Variants in C1orf159 observed in about 807,000 individuals in gnomAD.
C1orf159 encodes chromosome 1 open reading frame 159.
Under a neutral mutation model 25.6 loss-of-function variants are expected in C1orf159, and 19 were observed. The observed-to-expected ratio is 0.74, with a 90% CI of 0.52 to 1.09. The LOEUF is 1.09. Among genes scored for constraint, C1orf159 ranks in the 50% least tolerant of loss-of-function variants. The pLI is 0.00. For missense variants in C1orf159, 274 were observed against 290.6 expected, an observed-to-expected ratio of 0.94 and a Z score of 0.42; for synonymous variants, 139 against 124.7, an observed-to-expected ratio of 1.12 and a Z score of -0.77.
chr1:1,095,758 A>G (rs6693112), intron 1 of C1orf159, among the ~76,000 whole-genome samples: 2,439 of 152,336 alleles, frequency 0.016, 62 homozygotes, highest in African/African-American at 0.055. Flanking sequence ...TTAGGGATAA[A>G]ATGCTCAATA....
chr1:1,090,261 A>G, intron 4 of C1orf159, 92 bp downstream of exon 4: 1 of 1,280,656 alleles, frequency 7.8e-7, no homozygotes, highest in Admixed American at 2.0e-5. Context: ...ACAGATGAGC[A>G]CTGTCCTTGT....
At chr1:1,101,546 C>T (rs1262174197) in intron 1 of C1orf159, among the ~76,000 whole-genome samples, 2 of 152,160 alleles carry the variant, frequency 1.3e-5, no homozygotes, top group African/African-American at 2.4e-5. Flanking sequence ...AGCTCAGGGT[C>T]TGTCAGCTCA....
At chr1:1,083,143 CCCCTAAGGCG>C in intron 9 of C1orf159, 156 bp from the exon 10 acceptor site, 1 of 588,496 alleles carries the variant, frequency 1.7e-6, no homozygotes, top group Non-Finnish European at 2.9e-6. Flanking sequence ...ATGCCCCCTG[CCCCTAAGGCG>C]CCCTCAGAGC....
chr1:1,083,638 G>C lies in C1orf159; in HGVS notation c.503-651C>G, dbSNP rs915279595. On this transcript the variant is annotated intron_variant, in intron 9 of 9. Coordinates refer to ENST00000421241, the MANE Select transcript of C1orf159 (RefSeq NM_017891.5). ...GGACTTCTGAACTCTAGGATAGTCA[G>C]ATTAAAGGTCTGCTGTTGAAGCTGG... is the stretch of plus-strand genomic sequence containing the variant. 7.8e-6 allele frequency: 4 copies of C among 510,574 alleles called. No individual in the cohort carries two copies. In the Admixed American group the frequency reaches 1.5e-4, roughly 19 times the overall value. 31.6% of individuals were successfully genotyped at this position (510,574 alleles called of 1,614,324 possible).
At chr1:1,096,328 G>A (rs1014715236) in intron 1 of C1orf159, among the ~76,000 whole-genome samples, 1 of 152,066 alleles carries the variant, frequency 6.6e-6, no homozygotes, top group Non-Finnish European at 1.5e-5. Context: ...CAAGTAGCTG[G>A]GGCTACAGGT....
Position 1,082,458 on chromosome 1 carries a change from C to A in C1orf159, c.*435G>T, listed in dbSNP as rs1041412327. 9.2e-6 allele frequency: 2 copies of A among 217,416 alleles called. No individual in the cohort carries two copies. Among genetic ancestry groups the A allele is most frequent in the Admixed American group, 1.1e-4 (2 of 18,878 alleles). 13.5% of individuals were successfully genotyped at this position (217,416 alleles called of 1,614,324 possible). ...AGCCTCACTGTTCTCAGAGGGGTCT[C>A]GGGCCACTGGGTGTGGTGGTGCTGG... On this transcript the variant is annotated 3_prime_UTR_variant, in exon 10 of 10. Transcript: ENST00000421241.
chr1:1,090,227 C>T lies in C1orf159; in HGVS notation c.148+126G>A, dbSNP rs878993412. ...CCAAGCTCCACAGCCCTCACTGCCCCATCCACTCCCCAGGTCCCGCAGCAC... is the reference window on the plus strand; with the variant it reads ...CCAAGCTCCACAGCCCTCACTGCCCTATCCACTCCCCAGGTCCCGCAGCAC... On this transcript the variant is annotated intron_variant, in intron 4 of 9. Transcript: ENST00000421241. 4.1e-6 allele frequency: 4 copies of T among 976,660 alleles called. No individual in the cohort carries two copies. The Admixed American group carries it at 8.5e-5, about 21-fold the overall frequency. The allele number at this position is 976,660 out of a possible 1,614,324, so 60.5% of individuals were successfully genotyped here. A position where few individuals can be genotyped will look rare whatever the true frequency, so the allele number is the denominator to read the frequency against.
intron 1 of C1orf159, among the ~76,000 whole-genome samples, chr1:1,094,828 C>A (rs1035736082): frequency 1.3e-5 from 2 of 152,174 alleles, no homozygotes; most frequent in African/African-American, 4.8e-5. Flanking sequence ...CCTAAGAAAT[C>A]TCTGCCTTGA....
intron 1 of C1orf159, among the ~76,000 whole-genome samples, chr1:1,109,103 T>C (rs1248231935): frequency 2.6e-5 from 4 of 151,006 alleles, no homozygotes; most frequent in African/African-American, 7.4e-5. Context: ...GCAGCAGCAT[T>C]GTTCACCACA....
At chr1:1,115,924 G>C (rs1316963216) in intron 1 of C1orf159, 136 bp downstream of exon 1, 1 of 151,274 alleles carries the variant, frequency 6.6e-6, no homozygotes, top group Non-Finnish European at 1.5e-5. Context: ...GGGACGCGCA[G>C]GGAACGTCCC....
chr1:1,090,363 C>G lies in C1orf159; in HGVS notation c.138G>C (p.Leu46=). Residue 46 remains leucine (L), a synonymous_variant, in exon 4 of 10, where the codon CTG becomes CTC. Coordinates refer to ENST00000421241, the MANE Select transcript of C1orf159 (RefSeq NM_017891.5). ...GACAAAGCGGCTTACCTGGACCACACAGACTTGCGCCTGGGCAGCTGGCGT... is the reference window on the plus strand; with the variant it reads ...GACAAAGCGGCTTACCTGGACCACAGAGACTTGCGCCTGGGCAGCTGGCGT... The part of the protein sequence containing the change: ...GVNASCPGAS[L]CGPGCYRRWN... 6.4e-7 allele frequency: 1 copy of G among 1,550,576 alleles called. No homozygotes were observed. The highest frequency in any genetic ancestry group is 8.7e-7 in the Non-Finnish European group (1 of 1,146,968).
At chr1:1,095,886 C>T (rs764012506) in intron 1 of C1orf159, among the ~76,000 whole-genome samples, 4 of 152,134 alleles carry the variant, frequency 2.6e-5, no homozygotes, top group South Asian at 2.1e-4. Flanking sequence ...AATCATAAAA[C>T]AGGTATAAAT....
At position 1,091,102 on chromosome 1, in the gene C1orf159, G is replaced by A. The variant is rs959164377; in HGVS notation, c.72+370C>T. ...AAACGCCCCAGCCAGGACAGTGAGG[G>A]GTCCCCACCCTCCACCCGCTCCGCC... On this transcript the variant is annotated intron_variant, in intron 3 of 9. Transcript: ENST00000421241. The A allele has an allele frequency of 6.2e-5, 52 of 840,924 alleles. No homozygotes were observed. The Admixed American group carries it at 9.3e-4, about 15-fold the overall frequency. 52.1% of individuals were successfully genotyped at this position (840,924 alleles called of 1,614,324 possible).
intron 1 of C1orf159, among the ~76,000 whole-genome samples, chr1:1,107,620 A>T (rs1162716045): frequency 6.6e-6 from 1 of 152,230 alleles, no homozygotes; most frequent in Non-Finnish European, 1.5e-5. Context: ...AAAACAGACC[A>T]ATCAGCTCTC....
chr1:1,107,145 T>C (rs1219680428), intron 1 of C1orf159, among the ~76,000 whole-genome samples: 6 of 152,240 alleles, frequency 3.9e-5, no homozygotes. Flanking sequence ...CTGAGGAGTG[T>C]AGCGCACGGC....
In C1orf159 at chr1:1,087,936, C is replaced by A. The variant is rs1645859461; in HGVS notation, c.149-339G>T. On this transcript the variant is annotated intron_variant, in intron 4 of 9. Transcript: ENST00000421241. The surrounding 1 kb of genome is among the most constrained non-coding windows in gnomAD (Gnocchi z 8.3). ...AGCCCCGAGTACTCCACGCTGCACTCCACGCCGAGCACCCCGGCCCTGAGC... is the reference window on the plus strand; with the variant it reads ...AGCCCCGAGTACTCCACGCTGCACTACACGCCGAGCACCCCGGCCCTGAGC... Among the ~76,000 whole-genome samples, 1 of 151,676 alleles carries A rather than the reference C, an allele frequency of 6.6e-6. No individual in the cohort carries two copies. The highest frequency in any genetic ancestry group is 2.1e-4 in the South Asian group (1 of 4,816).
At chr1:1,083,913 A>G (rs1373652550) in intron 9 of C1orf159, 5 of 1,575,800 alleles carry the variant, frequency 3.2e-6, no homozygotes, top group African/African-American at 2.7e-5. Context: ...ATGGGTCCTA[A>G]CCGGGCTGAC....
intron 1 of C1orf159, among the ~76,000 whole-genome samples, chr1:1,105,191 G>A (rs796892005): frequency 3.5e-4 from 54 of 152,344 alleles, no homozygotes; most frequent in African/African-American, 1.3e-3. Flanking sequence ...AGTATGTCTG[G>A]CCAACTACCG....
intron 1 of C1orf159, among the ~76,000 whole-genome samples, chr1:1,100,073 G>C (rs1370561327): frequency 6.6e-6 from 1 of 152,004 alleles, no homozygotes; most frequent in Non-Finnish European, 1.5e-5. Flanking sequence ...CTTTACCTTG[G>C]GCAAAAAGGC....
Sources: allele counts gnomAD v4.1 joint callset (sites outside exome capture counted in the v4.1 genomes callset), GRCh38; gene constraint gnomAD v4.1.1; non-coding constraint Gnocchi (gnomAD v3.1); transcripts MANE v1.5; gene names NCBI Gene and HGNC (gene_info 2026-07-23, HGNC 2026-07-21).